ASIC2: variants seen among roughly 807,000 people sequenced by gnomAD.
ASIC2 encodes acid sensing ion channel subunit 2.
In ASIC2, 25 loss-of-function variants were observed where a neutral mutation model predicts 57.3. That is an observed-to-expected ratio of 0.44 (90% CI 0.32 to 0.61). The LOEUF (loss-of-function observed/expected upper bound fraction) is 0.61. Ranked by LOEUF, ASIC2 falls within the 20% of genes least tolerant of loss-of-function variation. ASIC2 has a pLI of 0.06. For missense variants in ASIC2, 641 were observed against 738.1 expected, an observed-to-expected ratio of 0.87 and a Z score of 1.52; for synonymous variants, 319 against 307.5, an observed-to-expected ratio of 1.04 and a Z score of -0.39.
At chr17:34,046,359 T>C (rs1201194632) in intron 1 of ASIC2, among the ~76,000 whole-genome samples, 2 of 152,212 alleles carry the variant, frequency 1.3e-5, no homozygotes, top group Non-Finnish European at 2.9e-5. Context: ...CTGGTGACTA[T>C]AGTTAGAGGT....
intron 1 of ASIC2, among the ~76,000 whole-genome samples, chr17:34,099,150 G>A (rs61539742): frequency 0.43 from 8,898 of 20,704 alleles, 629 homozygotes; most frequent in Non-Finnish European, 0.45. Context: ...GAGAGACAGA[G>A]AGAGAGAGAG....
intron 1 of ASIC2, among the ~76,000 whole-genome samples, chr17:33,240,824 G>A (rs1908473722): frequency 6.6e-6 from 1 of 152,146 alleles, no homozygotes; most frequent in Non-Finnish European, 1.5e-5. Context: ...CCTATTCCCT[G>A]TCCTCTCCAT....
At chr17:33,133,268 C>T (rs2092354409) in intron 1 of ASIC2, among the ~76,000 whole-genome samples, 1 of 152,086 alleles carries the variant, frequency 6.6e-6, no homozygotes, top group Non-Finnish European at 1.5e-5. Context: ...ACAGCGTTGG[C>T]AGAGGCGCAG....
chr17:33,898,259 T>C (rs1342663791), intron 1 of ASIC2, among the ~76,000 whole-genome samples: 12 of 125,958 alleles, frequency 9.5e-5, no homozygotes, highest in Admixed American at 3.7e-4. Context: ...TTTTTGAGAC[T>C]GAGTCTCGCT....
intron 1 of ASIC2, among the ~76,000 whole-genome samples, chr17:33,381,805 G>C (rs76474280): frequency 6.6e-6 from 1 of 152,158 alleles, no homozygotes; most frequent in Non-Finnish European, 1.5e-5. Flanking sequence ...ATTACTAGCC[G>C]AATGGCCTAT....
intron 1 of ASIC2, among the ~76,000 whole-genome samples, chr17:33,359,415 A>G (rs1171912790): frequency 6.6e-6 from 1 of 152,184 alleles, no homozygotes; most frequent in Non-Finnish European, 1.5e-5. Flanking sequence ...AGAAAGAGTC[A>G]ATTGAACATG....
chr17:33,610,608 C>T (rs1905374142), intron 1 of ASIC2, among the ~76,000 whole-genome samples: 1 of 152,046 alleles, frequency 6.6e-6, no homozygotes, highest in African/African-American at 2.4e-5. Flanking sequence ...CCTAGCCTGT[C>T]ATCCCAACAC....
chr17:33,830,626 C>T (rs1259304672), intron 1 of ASIC2, among the ~76,000 whole-genome samples: 1 of 151,824 alleles, frequency 6.6e-6, no homozygotes, highest in Non-Finnish European at 1.5e-5. Context: ...ATACATGGGC[C>T]ACGGTGGTTT....
intron 1 of ASIC2, among the ~76,000 whole-genome samples, chr17:33,801,660 C>G (rs1174087945): frequency 6.6e-6 from 1 of 152,162 alleles, no homozygotes; most frequent in Non-Finnish European, 1.5e-5. Flanking sequence ...AGCATAGTGT[C>G]TCAACACGTT....
intron 2 of ASIC2, among the ~76,000 whole-genome samples, chr17:33,111,215 G>A (rs1050153030): frequency 1.3e-5 from 2 of 152,126 alleles, no homozygotes; most frequent in Admixed American, 1.3e-4. Flanking sequence ...AAATACCCTT[G>A]GTGCTTTCCC....
chr17:33,172,844 A>G (rs1384268610), intron 1 of ASIC2, among the ~76,000 whole-genome samples: 1 of 152,208 alleles, frequency 6.6e-6, no homozygotes, highest in African/African-American at 2.4e-5. Flanking sequence ...GGTCGTTTCA[A>G]CAAGCCTTCC....
chr17:34,147,393 T>C (rs957564985), intron 1 of ASIC2, among the ~76,000 whole-genome samples: 1 of 152,156 alleles, frequency 6.6e-6, no homozygotes, highest in African/African-American at 2.4e-5. Context: ...AGGCAATCAA[T>C]AGAGAATATA....
chr17:33,181,182 C>T (rs1393715271), intron 1 of ASIC2, among the ~76,000 whole-genome samples: 1 of 152,130 alleles, frequency 6.6e-6, no homozygotes, highest in South Asian at 2.1e-4. Flanking sequence ...TGAGTTCAAC[C>T]CTCCACTTAG....
chr17:33,164,114 C>T (rs1013892524), intron 1 of ASIC2, among the ~76,000 whole-genome samples: 11 of 152,310 alleles, frequency 7.2e-5, no homozygotes, highest in East Asian at 3.9e-4. Context: ...TTTGCTGCTT[C>T]GCCTGGTCCT....
rs1320672828 is a variant in ASIC2 at position 33,662,436 on chromosome 17, C to A, written c.555+493542G>T. 4.0e-5 allele frequency among the ~76,000 whole-genome samples: 6 copies of A among 151,580 alleles called. No homozygotes were observed. In the East Asian group the frequency reaches 7.8e-4, roughly 20 times the overall value. On this transcript the variant is annotated intron_variant, in intron 1 of 9. Transcript: ENST00000359872. ...AGGAGTTTGAGACCAGCCTGGCCAACAAAGTGAAACCCCATCTCCACTAAA... is the reference window on the plus strand; with the variant it reads ...AGGAGTTTGAGACCAGCCTGGCCAAAAAAGTGAAACCCCATCTCCACTAAA...
At chr17:33,173,923 A>G (rs1295626871) in intron 1 of ASIC2, among the ~76,000 whole-genome samples, 1 of 152,158 alleles carries the variant, frequency 6.6e-6, no homozygotes, top group Admixed American at 6.5e-5. Context: ...CAATCAGATG[A>G]GAGTAGCCTT....
At chr17:34,037,115 G>T (rs1259155676) in intron 1 of ASIC2, 1 of 152,964 alleles carries the variant, frequency 6.5e-6, no homozygotes, top group Admixed American at 6.5e-5. Context: ...ACGGGCAATA[G>T]CAACTTTTTT....
chr17:33,761,378 G>T (rs1910772266), intron 1 of ASIC2, among the ~76,000 whole-genome samples: 1 of 152,182 alleles, frequency 6.6e-6, no homozygotes, highest in African/African-American at 2.4e-5. Context: ...AAGGAGCTCT[G>T]TAGGGAATCC....
intron 1 of ASIC2, among the ~76,000 whole-genome samples, chr17:33,692,951 A>T (rs1908420508): frequency 6.6e-6 from 1 of 152,198 alleles, no homozygotes; most frequent in South Asian, 2.1e-4. Context: ...CATATTTTAA[A>T]TCTTTATGTA....
Sources: gnomAD v4.1 joint callset for allele counts (sites outside exome capture counted in the v4.1 genomes callset) on GRCh38, gnomAD v4.1.1 for gene constraint, MANE v1.5 for transcripts, NCBI Gene and HGNC (gene_info 2026-07-23, HGNC 2026-07-21) for gene names.